MGAT5: variants seen among roughly 807,000 people sequenced by gnomAD.
MGAT5 encodes alpha-1,6-mannosylglycoprotein 6-beta-N-acetylglucosaminyltransferase A.
Under a neutral mutation model 94.3 loss-of-function variants are expected in MGAT5, and 30 were observed. The ratio of observed to expected loss-of-function variants is 0.32; its 90% CI spans 0.24 to 0.43. MGAT5 has a LOEUF of 0.43. Ranked by LOEUF, MGAT5 falls within the 20% of genes least tolerant of loss-of-function variation. MGAT5 has a pLI of 1.00. For synonymous variants in MGAT5, 310 were observed against 322.9 expected, an observed-to-expected ratio of 0.96 and a Z score of 0.43; for missense variants, 691 against 905.5, an observed-to-expected ratio of 0.76 and a Z score of 3.04.
At position 134,422,789 on chromosome 2, in the gene MGAT5, C is replaced by T. The variant is rs11899777; in HGVS notation, c.1678-14C>T. 6.4e-4 allele frequency: 1,025 copies of T among 1,607,094 alleles called. 14 individuals carry two copies. The East Asian group carries it at 8.0e-3, about 13-fold the overall frequency. On this transcript the variant is annotated splice_polypyrimidine_tract_variant and intron_variant, in intron 12 of 15. Coordinates refer to ENST00000281923, the MANE Select transcript of MGAT5 (RefSeq NM_002410.5). ...AAATTGCTTGTGAGACTGAGGTGTT[C>T]GGTTCTTTTCCAGCTGACATCCCAG...
chr2:134,170,264 G>A (rs963598765), intron 1 of MGAT5, among the ~76,000 whole-genome samples: 7 of 152,146 alleles, frequency 4.6e-5, no homozygotes, highest in East Asian at 1.9e-4. Context: ...TCCGTATCAC[G>A]ATAATCCATT....
chr2:134,367,225 C>G (rs16830496), intron 10 of MGAT5, among the ~76,000 whole-genome samples: 31,973 of 152,184 alleles, frequency 0.21, 3,431 homozygotes, highest in Middle Eastern at 0.36. Context: ...TACATGTTTG[C>G]TGCTCTTACT....
intron 15 of MGAT5, among the ~76,000 whole-genome samples, chr2:134,444,365 C>CG (rs770184801): frequency 2.1e-4 from 32 of 152,234 alleles, no homozygotes; most frequent in Non-Finnish European, 1.2e-4. Flanking sequence ...GACCCCACCC[C>CG]CACCTCCTAC....
chr2:134,137,136 CCT>C (rs1171471942), intron 1 of MGAT5, among the ~76,000 whole-genome samples: 2 of 152,220 alleles, frequency 1.3e-5, no homozygotes, highest in Admixed American at 6.5e-5. Flanking sequence ...ACATTAACCC[CCT>C]GTTTTCCTCT....
chr2:134,387,301 GATATATAT>G (rs1553458949), intron 10 of MGAT5, among the ~76,000 whole-genome samples: 3,220 of 42,548 alleles, frequency 0.076, 277 homozygotes, highest in Admixed American at 0.096. Context: ...AGTTATGTAT[GATATATAT>G]ATATATATAT....
intron 1 of MGAT5, among the ~76,000 whole-genome samples, chr2:134,196,402 T>G (rs886450430): frequency 6.9e-6 from 1 of 145,802 alleles, no homozygotes; most frequent in African/African-American, 2.5e-5. Context: ...TCTTAAGGCT[T>G]AAAAAAAAAA....
chr2:134,289,021 C>CA (rs765584214), intron 2 of MGAT5, among the ~76,000 whole-genome samples: 52 of 152,284 alleles, frequency 3.4e-4, no homozygotes, highest in Admixed American at 7.2e-4. Context: ...TTTAAACTGC[C>CA]AGTCTTTTTT....
intron 12 of MGAT5, among the ~76,000 whole-genome samples, chr2:134,416,279 C>G (rs1454032036): frequency 1.3e-5 from 2 of 152,292 alleles, no homozygotes; most frequent in East Asian, 3.9e-4. Context: ...ACGTTAAACA[C>G]TAACTCCCCA....
intron 10 of MGAT5, among the ~76,000 whole-genome samples, chr2:134,393,387 C>T (rs1682529278): frequency 6.6e-6 from 1 of 152,100 alleles, no homozygotes; most frequent in Non-Finnish European, 1.5e-5. Context: ...TTAATGCCAC[C>T]CCTTCTGTGA....
intron 1 of MGAT5, among the ~76,000 whole-genome samples, chr2:134,200,172 C>T (rs1222959163): frequency 6.7e-5 from 10 of 150,110 alleles, no homozygotes; most frequent in Non-Finnish European, 1.2e-4. Flanking sequence ...CCCCCTGCCC[C>T]GCCAAGGCTG....
rs148620969 is a variant in MGAT5 at position 134,447,577 on chromosome 2, G to A, written c.2028-1072G>A. 3.5e-4 allele frequency among the ~76,000 whole-genome samples: 54 copies of A among 152,286 alleles called. 1 individual carries two copies. The East Asian group carries it at 7.7e-3, about 22-fold the overall frequency. ...CCAGGACTCAAACCCAGGTCTGCCC[G>A]TCCCCCAACACCACTTTCTCTGATA... On this transcript the variant is annotated intron_variant, in intron 15 of 15. Transcript: ENST00000281923.
At chr2:134,273,564 G>A (rs905287788) in intron 2 of MGAT5, among the ~76,000 whole-genome samples, 1 of 151,966 alleles carries the variant, frequency 6.6e-6, no homozygotes, top group African/African-American at 2.4e-5. Context: ...TCTCTAAATT[G>A]GGTACCATAG....
At chr2:134,354,942 G>A (rs1360460856) in intron 9 of MGAT5, among the ~76,000 whole-genome samples, 5 of 152,094 alleles carry the variant, frequency 3.3e-5, no homozygotes, top group Admixed American at 2.0e-4. Context: ...GCTTGGATCA[G>A]GCTGTTTCTC....
At chr2:134,160,796 G>A (rs1449444851) in intron 1 of MGAT5, among the ~76,000 whole-genome samples, 1 of 152,246 alleles carries the variant, frequency 6.6e-6, no homozygotes, top group Non-Finnish European at 1.5e-5. Flanking sequence ...TCTGCAAGTG[G>A]AGATAATAAG....
chr2:134,262,232 GTTTTA>G (rs1558741512), intron 1 of MGAT5, among the ~76,000 whole-genome samples: 2 of 151,946 alleles, frequency 1.3e-5, no homozygotes, highest in African/African-American at 4.8e-5. Flanking sequence ...TGTTGTTTTT[GTTTTA>G]TTTTGTTTTG....
chr2:134,232,679 T>C (rs1169111661), intron 1 of MGAT5, among the ~76,000 whole-genome samples: 2 of 152,200 alleles, frequency 1.3e-5, no homozygotes, highest in Admixed American at 1.3e-4. Context: ...CACAGACCTA[T>C]GTAATGTTTT....
intron 10 of MGAT5, among the ~76,000 whole-genome samples, chr2:134,379,115 C>CAGA: frequency 6.6e-6 from 1 of 152,200 alleles, no homozygotes; most frequent in Non-Finnish European, 1.5e-5. Flanking sequence ...TTTGTCTTCT[C>CAGA]CCCTGTTCTT....
chr2:134,393,540 C>T (rs908098728), intron 10 of MGAT5, among the ~76,000 whole-genome samples: 1 of 152,128 alleles, frequency 6.6e-6, no homozygotes, highest in Non-Finnish European at 1.5e-5. Context: ...AGTCTGTCAT[C>T]CCCCGTGCAG....
At chr2:134,231,289 T>G (rs10179524) in intron 1 of MGAT5, 23,350 of 152,238 alleles carry the variant, frequency 0.15, 2,615 homozygotes, top group Non-Finnish European at 0.24. Flanking sequence ...GGGAGAAAAG[T>G]TATAAAGCTG....
Sources: allele counts gnomAD v4.1 joint callset (sites outside exome capture counted in the v4.1 genomes callset), GRCh38; gene constraint gnomAD v4.1.1; transcripts MANE v1.5; gene names NCBI Gene and HGNC (gene_info 2026-07-23, HGNC 2026-07-21).